The following RMI1 variants were observed in gnomAD, a reference collection of about 807,000 sequenced individuals.
RMI1 encodes RecQ mediated genome instability 1, also known as recQ-mediated genome instability protein 1.
In RMI1, 36 loss-of-function variants were observed where a neutral mutation model predicts 46.7. The observed-to-expected ratio is 0.77, with a 90% CI of 0.59 to 1.02. RMI1 has a LOEUF of 1.02. RMI1 is among the 50% of genes least tolerant of loss of function. The pLI is 0.00. For synonymous variants in RMI1, 250 were observed against 252.9 expected (o/e 0.99, Z 0.11); for missense variants, 676 against 713.7 (o/e 0.95, Z 0.60).
intron 1 of RMI1, among the ~76,000 whole-genome samples, chr9:83,995,876 CT>C (rs564135246): frequency 1.3e-3 from 192 of 151,982 alleles, no homozygotes; most frequent in African/African-American, 4.3e-3. Flanking sequence ...GCAGTAGATT[CT>C]TTTTATAAAT....
intron 1 of RMI1, among the ~76,000 whole-genome samples, chr9:83,987,608 G>A (rs914100142): frequency 1.3e-5 from 2 of 152,052 alleles, no homozygotes; most frequent in Non-Finnish European, 2.9e-5. Context: ...TCATGTTATA[G>A]AACAATTCCA....
In RMI1 at chr9:84,002,309, AATATT is replaced by A; in HGVS notation, c.1325_1329del (p.Ile442LysfsTer2). 1 of 1,599,620 alleles carries A rather than the reference AATATT, an allele frequency of 6.3e-7. No individual in the cohort carries two copies. Among genetic ancestry groups the A allele is most frequent in the Non-Finnish European group, 8.6e-7 (1 of 1,169,438 alleles). ...CAGATAGCCATTCCTTAAATAATAA[AATATT>A]AAATAGAGAGGTGGTCAACTATGTA... On this transcript the variant is annotated frameshift_variant, in exon 3 of 3. Transcript: ENST00000445877. LOFTEE classifies it high-confidence loss of function.
intron 1 of RMI1, among the ~76,000 whole-genome samples, chr9:83,983,410 G>T (rs1002212537): frequency 2.0e-5 from 3 of 151,930 alleles, no homozygotes; most frequent in Non-Finnish European, 4.4e-5. Flanking sequence ...CCTAATTTTC[G>T]GAGTATCTTC....
chr9:83,993,799 A>T lies in RMI1; in HGVS notation c.-125-5910A>T, dbSNP rs962389540. ...ATATCTTTTTATTATTATTATTATTATTTTTTAAGATAGGGTCTTGCTTTG... is the reference window on the plus strand; with the variant it reads ...ATATCTTTTTATTATTATTATTATTTTTTTTTAAGATAGGGTCTTGCTTTG... On this transcript the variant is annotated intron_variant, in intron 1 of 2. Coordinates refer to ENST00000445877, the MANE Select transcript of RMI1 (RefSeq NM_001358291.2). 1.5e-4 allele frequency among the ~76,000 whole-genome samples: 23 copies of T among 151,718 alleles called. 1 individual carries two copies. Among genetic ancestry groups the T allele is most frequent in the African/African-American group, 3.1e-4 (13 of 41,432 alleles).
At chr9:83,980,397 T>G (rs981467339), upstream of RMI1, 1 of 152,654 alleles carries the variant, frequency 6.6e-6, no homozygotes, top group South Asian at 2.1e-4. Flanking sequence ...GGGAGGCCAC[T>G]AAGGGCTCGA....
Position 84,001,196 on chromosome 9 carries a change from C to T in RMI1, c.210C>T (p.Pro70=), listed in dbSNP as rs138090133. ...DLRDLEHPLL[P]DGILEIPKGE... Reference sequence around the variant, plus strand: ...GGGATTTGGAGCATCCTCTTTTACCCGATGGCATTTTAGAAATTCCAAAAG... The same window carrying T: ...GGGATTTGGAGCATCCTCTTTTACCTGATGGCATTTTAGAAATTCCAAAAG... Residue 70 remains proline (P), a synonymous_variant, in exon 3 of 3, where the codon CCC becomes CCT. Transcript: ENST00000445877. 15 of 1,614,068 alleles carry T rather than the reference C, an allele frequency of 9.3e-6. No homozygotes were observed. The East Asian group carries it at 1.3e-4, about 14-fold the overall frequency.
rs1474588028 is a variant in RMI1 at position 84,002,722 on chromosome 9, A to C, written c.1736A>C (p.Gln579Pro). ...LQYQKFLEGL[Q>P]KCQRDLIDLC... Reference sequence around the variant, plus strand: ...TACCAAAAGTTCCTGGAAGGGTTGCAGAAATGTCAAAGAGATCTAATAGAT... The same window carrying C: ...TACCAAAAGTTCCTGGAAGGGTTGCCGAAATGTCAAAGAGATCTAATAGAT... Residue 579 changes from glutamine to proline, a missense_variant, in exon 3 of 3, where the codon CAG becomes CCG. Physicochemically the swap from Gln to Pro is moderately conservative, Grantham distance 76 (BLOSUM62 -1). Coordinates refer to ENST00000445877, the MANE Select transcript of RMI1 (RefSeq NM_001358291.2). 1 of 1,613,880 alleles carries C rather than the reference A, an allele frequency of 6.2e-7. No individual in the cohort carries two copies. Among genetic ancestry groups the C allele is most frequent in the Non-Finnish European group, 8.5e-7 (1 of 1,179,934 alleles).
intron 1 of RMI1, among the ~76,000 whole-genome samples, chr9:83,985,824 C>T (rs1026973789): frequency 4.6e-5 from 7 of 151,992 alleles, no homozygotes; most frequent in African/African-American, 7.2e-5. Context: ...CTGGCTAACA[C>T]GGGGAAACCC....
Position 83,992,468 on chromosome 9 carries a change from A to G in RMI1, c.-125-7241A>G, listed in dbSNP as rs577786906. 2.1e-3 allele frequency among the ~76,000 whole-genome samples: 301 copies of G among 144,406 alleles called. 1 individual carries two copies. The highest frequency in any genetic ancestry group is 6.6e-3 in the African/African-American group (259 of 39,286). 94.7% of individuals were successfully genotyped at this position (144,406 alleles called of 152,430 possible). On this transcript the variant is annotated intron_variant, in intron 1 of 2. Coordinates refer to ENST00000445877, the MANE Select transcript of RMI1 (RefSeq NM_001358291.2). ...CCATTTTAAACATCAAAACTACTGG[A>G]AAAAAAAAAAAGCATAAAAACATGG...
upstream of RMI1, chr9:83,980,601 CCCT>C (rs1360935292): frequency 1.3e-5 from 2 of 153,080 alleles, no homozygotes; most frequent in Admixed American, 6.5e-5. Context: ...GCCTGGAGCG[CCCT>C]CCTCCTTTCT....
At chr9:83,990,414 G>A (rs1471790010) in intron 1 of RMI1, among the ~76,000 whole-genome samples, 1 of 152,006 alleles carries the variant, frequency 6.6e-6, no homozygotes, top group African/African-American at 2.4e-5. Context: ...GGAGGCTGAG[G>A]CAGGAGAATC....
intron 1 of RMI1, among the ~76,000 whole-genome samples, chr9:83,988,930 C>T (rs1957529812): frequency 6.6e-6 from 1 of 152,134 alleles, no homozygotes; most frequent in Non-Finnish European, 1.5e-5. Context: ...GACCTTGGCT[C>T]ACTGCTGCCT....
chr9:83,981,309 ATT>A (rs1957386456), intron 1 of RMI1, among the ~76,000 whole-genome samples: 1 of 152,206 alleles, frequency 6.6e-6, no homozygotes, highest in Non-Finnish European at 1.5e-5. Context: ...TTCCGATAAA[ATT>A]TTTAGGCAAT....
In RMI1 at chr9:84,002,671, AAC is replaced by A. The variant is rs1385154459; in HGVS notation, c.1687_1688del (p.Gln563ValfsTer34). ...ATAGGGTTCTCAGTACCAGAAATGAAACAGTCAAAAAAGGATCCTCTTCAATA... is the reference window on the plus strand; with the variant it reads ...ATAGGGTTCTCAGTACCAGAAATGAAAGTCAAAAAAGGATCCTCTTCAATA... On this transcript the variant is annotated frameshift_variant, in exon 3 of 3. Transcript: ENST00000445877. LOFTEE classifies it high-confidence loss of function. 1 of 1,613,804 alleles carries A rather than the reference AAC, an allele frequency of 6.2e-7. No individual in the cohort carries two copies.
intron 1 of RMI1, among the ~76,000 whole-genome samples, chr9:83,997,421 C>G (rs1265361330): frequency 6.7e-6 from 1 of 149,292 alleles, no homozygotes; most frequent in Non-Finnish European, 1.5e-5. Flanking sequence ...CTTTTTTTCC[C>G]TTAATTGAAA....
intron 1 of RMI1, among the ~76,000 whole-genome samples, chr9:83,982,263 C>T (rs1328700479): frequency 2.0e-5 from 3 of 152,128 alleles, no homozygotes; most frequent in African/African-American, 7.2e-5. Flanking sequence ...AATAGCGGTA[C>T]GGTAATGATG....
At chr9:83,987,175 G>A (rs531270257) in intron 1 of RMI1, among the ~76,000 whole-genome samples, 1 of 152,040 alleles carries the variant, frequency 6.6e-6, no homozygotes, top group African/African-American at 2.4e-5. Context: ...GCGATTTTCT[G>A]CCTCAGCCTC....
chr9:83,995,346 CT>C (rs1252912826), intron 1 of RMI1, among the ~76,000 whole-genome samples: 1 of 151,530 alleles, frequency 6.6e-6, no homozygotes, highest in Non-Finnish European at 1.5e-5. Flanking sequence ...TCTATTTTTT[CT>C]TTCTGAAATT....
In RMI1 at chr9:84,001,962, G is replaced by A. The variant is rs199671489; in HGVS notation, c.976G>A (p.Val326Ile). ...GGAGGCCTTGCTTTTAGAAGAAACT[G>A]TCCAGAAAGAACAGATGGAAACTAA... Reference protein sequence around the residue: ...LEEALLLEETVQKEQMETKEL... With the variant: ...LEEALLLEETIQKEQMETKEL... The change falls in exon 3 of 3, where the codon GTC becomes ATC. Residue 326 changes from valine to isoleucine, a missense_variant. Coordinates refer to ENST00000445877, the MANE Select transcript of RMI1 (RefSeq NM_001358291.2). 8.1e-6 allele frequency: 13 copies of A among 1,614,014 alleles called. No homozygotes were observed. The Admixed American group carries it at 1.2e-4, about 14-fold the overall frequency.
Sources: allele counts gnomAD v4.1 joint callset (sites outside exome capture counted in the v4.1 genomes callset), GRCh38; gene constraint gnomAD v4.1.1; transcripts MANE v1.5; gene names NCBI Gene and HGNC (gene_info 2026-07-23, HGNC 2026-07-21).